The following NUDT12 variants were observed in gnomAD, a reference collection of about 807,000 sequenced individuals.
NUDT12 encodes the protein NAD-capped RNA hydrolase NUDT12.
A neutral mutation model predicts 45.7 loss-of-function variants in NUDT12; 42 were observed. The ratio of observed to expected loss-of-function variants is 0.92; its 90% CI spans 0.72 to 1.19. The LOEUF is 1.19. NUDT12 is among the 50% of genes most tolerant of loss of function. The pLI is 0.00. For missense variants in NUDT12, 590 were observed against 533.1 expected, an observed-to-expected ratio of 1.11 and a Z score of -1.05; for synonymous variants, 206 against 179.7, an observed-to-expected ratio of 1.15 and a Z score of -1.17.
chr5:103,552,100 T>A, intron 6 of NUDT12, 117 bp downstream of exon 6: 1 of 730,228 alleles, frequency 1.4e-6, no homozygotes, highest in Non-Finnish European at 2.4e-6. Flanking sequence ...AATCCATGCA[T>A]AATGAGAGGG....
intron 3 of NUDT12, among the ~76,000 whole-genome samples, chr5:103,557,280 G>GATATATATATATAT (rs10593905): frequency 5.0e-5 from 6 of 118,894 alleles, no homozygotes; most frequent in African/African-American, 1.5e-4. Context: ...ATCTTAAAAT[G>GATATATATATATAT]ATATATATAT....
At position 103,550,756 on chromosome 5, in the gene NUDT12, T is replaced by A; in HGVS notation, c.*105A>T. 2.8e-6 allele frequency: 2 copies of A among 716,760 alleles called. No homozygotes were observed. The highest frequency in any genetic ancestry group is 5.3e-5 in the East Asian group (2 of 37,866). The allele number at this position is 716,760 out of a possible 1,614,324, so 44.4% of individuals were successfully genotyped here. ...ATATTTCGAAAACCCAACATCGTAT[T>A]TTGTGTTGTGACACTCTCAAGAGTA... On this transcript the variant is annotated 3_prime_UTR_variant, in exon 7 of 7. Transcript: ENST00000230792.
In NUDT12 at chr5:103,555,925, G is replaced by C; in HGVS notation, c.964+6C>G. 6.5e-7 allele frequency: 1 copy of C among 1,546,368 alleles called. No homozygotes were observed. The highest frequency in any genetic ancestry group is 8.7e-7 in the Non-Finnish European group (1 of 1,146,870). On this transcript the variant is annotated splice_donor_region_variant and intron_variant, in intron 4 of 6. Coordinates refer to ENST00000230792, the MANE Select transcript of NUDT12 (RefSeq NM_031438.4). ...AGGTGGCTGAGATATAAAATAAAGG[G>C]CTTACCAACTCTTGGGTATGAGGTA...
chr5:103,560,280 A>G, intron 1 of NUDT12, 26 bp from the exon 2 acceptor site: 1 of 1,486,882 alleles, frequency 6.7e-7, no homozygotes, highest in South Asian at 1.1e-5. Flanking sequence ...ATCAGGGGAA[A>G]AAGCTTATTT....
Position 103,556,029 on chromosome 5 carries a change from T to C in NUDT12, c.866A>G (p.Asn289Ser). ...SRYKFCPTCGNATKIEEGGYK... is the reference protein window; with the variant it reads ...SRYKFCPTCGSATKIEEGGYK... ...GCCACCTTCTTCAATTTTAGTTGCATTTCCACAGGTTGGGCAAAACTTGTA... is the reference window on the plus strand; with the variant it reads ...GCCACCTTCTTCAATTTTAGTTGCACTTCCACAGGTTGGGCAAAACTTGTA... Residue 289 changes from asparagine to serine, a missense_variant, in exon 4 of 7, where the codon AAT (asparagine) becomes AGT (serine). By Grantham distance (46) the Asn-to-Ser change is conservative. Transcript: ENST00000230792. The C allele has an allele frequency of 6.2e-7, 1 of 1,612,266 alleles. No homozygotes were observed. The highest frequency in any genetic ancestry group is 1.6e-4 in the Middle Eastern group (1 of 6,062).
At position 103,549,353 on chromosome 5, in the gene NUDT12, C is replaced by G. The variant is rs934626783; in HGVS notation, c.*1508G>C. The G allele has an allele frequency of 6.6e-6, 1 of 151,816 alleles. No homozygotes were observed. Among genetic ancestry groups the G allele is most frequent in the East Asian group, 1.9e-4 (1 of 5,178 alleles). 9.4% of individuals were successfully genotyped at this position (151,816 alleles called of 1,614,324 possible). ...ATCAATTCCTAAGAAAATCACTGCT[C>G]ATTAGTAAAATAAAGTTTTATCTGA... is the stretch of plus-strand genomic sequence containing the variant. On this transcript the variant is annotated 3_prime_UTR_variant, in exon 7 of 7. Coordinates refer to ENST00000230792, the MANE Select transcript of NUDT12 (RefSeq NM_031438.4).
At position 103,560,053 on chromosome 5, in the gene NUDT12, G is replaced by A. The variant is rs1407885761; in HGVS notation, c.196C>T (p.Leu66Phe). 1.2e-6 allele frequency: 2 copies of A among 1,611,298 alleles called. No homozygotes were observed. Among genetic ancestry groups the A allele is most frequent in the Admixed American group, 3.3e-5 (2 of 60,010 alleles). ...GCCTAAAATGTTTACCCTTTCTCAA[G>A]CAGAAATTGGACTATCTCTGGGTGC... ...NGHPEIVQFL[L>F]EKGCDRSIVN... Residue 66 changes from leucine to phenylalanine, a missense_variant, in exon 2 of 7, where the codon CTT (leucine) becomes TTT (phenylalanine). Physicochemically the swap from Leu to Phe is conservative, Grantham distance 22 (BLOSUM62 0). Coordinates refer to ENST00000230792, the MANE Select transcript of NUDT12 (RefSeq NM_031438.4).
chr5:103,562,750 G>T lies in NUDT12; in HGVS notation c.-54C>A, dbSNP rs939646616. 1 of 131,646 alleles carries T rather than the reference G, an allele frequency of 7.6e-6. No homozygotes were observed. Among genetic ancestry groups the T allele is most frequent in the African/African-American group, 2.7e-5 (1 of 37,056 alleles). 8.2% of individuals were successfully genotyped at this position (131,646 alleles called of 1,614,324 possible). A position where few individuals can be genotyped will look rare whatever the true frequency, so the allele number is the denominator to read the frequency against. On this transcript the variant is annotated 5_prime_UTR_variant, in exon 1 of 7. Coordinates refer to ENST00000230792, the MANE Select transcript of NUDT12 (RefSeq NM_031438.4). The stretch of plus-strand genomic sequence containing the variant: ...CAACCAGGATGCAGTCCAAAGATTG[G>T]GATATCCCACTCGCTTTTCCTGGAG...
Position 103,552,367 on chromosome 5 carries a change from T to A in NUDT12, c.1128A>T (p.Gly376=). The part of the protein sequence containing the change: ...AVRREVEEES[G]VKVGHVQYVA... ...CATACTGAACATGGCCAACTTTGAC[T>A]CCACTTTCCTCTTCTACTTCTCTCC... The change falls in exon 6 of 7, where the codon GGA becomes GGT. Residue 376 remains glycine, a synonymous_variant. Coordinates refer to ENST00000230792, the MANE Select transcript of NUDT12 (RefSeq NM_031438.4). The A allele has an allele frequency of 1.2e-6, 2 of 1,613,960 alleles. No individual in the cohort carries two copies. Among genetic ancestry groups the A allele is most frequent in the Non-Finnish European group, 1.7e-6 (2 of 1,179,922 alleles).
At chr5:103,554,476 C>A in intron 5 of NUDT12, 1 of 187,530 alleles carries the variant, frequency 5.3e-6, no homozygotes, top group Non-Finnish European at 1.1e-5. Flanking sequence ...ACCTAGATAC[C>A]TGGGTCAAGA....
chr5:103,552,762 G>A (rs1327184598), intron 5 of NUDT12, among the ~76,000 whole-genome samples: 6 of 152,000 alleles, frequency 3.9e-5, no homozygotes, highest in African/African-American at 9.7e-5. Context: ...TATTGTCCAC[G>A]AAATAGTTAT....
In NUDT12 at chr5:103,550,937, GC is replaced by G; in HGVS notation, c.1312del (p.Ala438HisfsTer14). The G allele has an allele frequency of 6.2e-7, 1 of 1,613,750 alleles. No individual in the cohort carries two copies. The highest frequency in any genetic ancestry group is 1.7e-5 in the Admixed American group (1 of 59,932). ...LDVLTKGKQQ[A>X]FFVPPSRAIA... is the part of the protein sequence containing the mutation. ...AGCTCGGCTTGGTGGCACAAAGAAT[GC>G]CTGCTGCTTCCCTTTGGTCAGAACA... On this transcript the variant is annotated frameshift_variant, in exon 7 of 7. Coordinates refer to ENST00000230792, the MANE Select transcript of NUDT12 (RefSeq NM_031438.4). LOFTEE classifies it high-confidence loss of function.
rs1001972547 is a variant in NUDT12, at chr5:103,562,603, G to C, written c.-7+100C>G. The C allele has an allele frequency of 5.3e-5, 8 of 152,122 alleles. 1 individual carries two copies. The highest frequency in any genetic ancestry group is 1.9e-4 in the African/African-American group (8 of 41,372). The allele number at this position is 152,122 out of a possible 1,614,324, so 9.4% of individuals were successfully genotyped here. On this transcript the variant is annotated intron_variant, in intron 1 of 6. Coordinates refer to ENST00000230792, the MANE Select transcript of NUDT12 (RefSeq NM_031438.4). ...CGAGGCTCCGCCACACAACTCAGCA[G>C]GGCCACGCAGGGCAGCGCGGGAACC...
At position 103,558,896 on chromosome 5, in the gene NUDT12, A is replaced by C; in HGVS notation, c.779T>G (p.Leu260Trp). 6.4e-7 allele frequency: 1 copy of C among 1,563,868 alleles called. No individual in the cohort carries two copies. Among genetic ancestry groups the C allele is most frequent in the Non-Finnish European group, 8.6e-7 (1 of 1,160,784 alleles). ...LHPPMPALLQ[L>W]KEKEAGVVAQ... ...TTTCTTACCAGCTTCTTTTTCTTTCAATTGCAGAAGGGCTGGCATAGGAGG... is the reference window on the plus strand; with the variant it reads ...TTTCTTACCAGCTTCTTTTTCTTTCCATTGCAGAAGGGCTGGCATAGGAGG... The change falls in exon 3 of 7, where the codon TTG becomes TGG. Residue 260 changes from leucine (L) to tryptophan (W), a missense_variant. Coordinates refer to ENST00000230792, the MANE Select transcript of NUDT12 (RefSeq NM_031438.4).
rs751904581 is a variant in NUDT12 at position 103,560,105 on chromosome 5, A to G, written c.144T>C (p.Thr48=). ...CATTCCTTGCCGCATACATTAAAGC[A>G]GTCCAGCCATTTTCAGAAGTTTCAT... ...LLNETSENGW[T]ALMYAARNGH... The change falls in exon 2 of 7, where the codon ACT becomes ACC. Residue 48 remains threonine (T), a synonymous_variant. Coordinates refer to ENST00000230792, the MANE Select transcript of NUDT12 (RefSeq NM_031438.4). 1.2e-6 allele frequency: 2 copies of G among 1,613,902 alleles called. No homozygotes were observed. The highest frequency in any genetic ancestry group is 1.3e-5 in the African/African-American group (1 of 74,922).
chr5:103,559,038 C>G lies in NUDT12; in HGVS notation c.637G>C (p.Ala213Pro). The change falls in exon 3 of 7, where the codon GCT becomes CCT. Residue 213 changes from alanine to proline, a missense_variant. By Grantham distance (27) the Ala-to-Pro change is conservative. Transcript: ENST00000230792. ...LEIKDKLLNY[A>P]GEVPREEEDG... is the part of the protein sequence containing the mutation. ...TCCTCCTCTCTCGGGACTTCACCAGCATAATTAAGTAGTTTGTCTTTTATT... is the reference window on the plus strand; with the variant it reads ...TCCTCCTCTCTCGGGACTTCACCAGGATAATTAAGTAGTTTGTCTTTTATT... 1 of 1,613,764 alleles carries G rather than the reference C, an allele frequency of 6.2e-7. No homozygotes were observed. The highest frequency in any genetic ancestry group is 8.5e-7 in the Non-Finnish European group (1 of 1,179,788).
chr5:103,558,776 G>C (rs1258325528), intron 3 of NUDT12, 103 bp downstream of exon 3: 1 of 732,760 alleles, frequency 1.4e-6, no homozygotes, highest in African/African-American at 1.8e-5. Flanking sequence ...TAATTTCACT[G>C]CTTACTGGAA....
chr5:103,554,605 G>A, intron 5 of NUDT12, 135 bp downstream of exon 5: 1 of 372,910 alleles, frequency 2.7e-6, no homozygotes, highest in South Asian at 1.3e-4. Flanking sequence ...TATTAAAATT[G>A]TATCATTTTT....
rs779689309 is a variant in NUDT12, at chr5:103,560,254, C to T, written c.-6G>A. The T allele has an allele frequency of 4.4e-6, 7 of 1,604,496 alleles. No individual in the cohort carries two copies. The highest frequency in any genetic ancestry group is 1.6e-4 in the Middle Eastern group (1 of 6,064). ...CTTCTTTTTACAGAAGACATTTCTT[C>T]CTTAAAAGAAGGAAAATCAGGGGAA... On this transcript the variant is annotated splice_region_variant and 5_prime_UTR_variant, in exon 2 of 7. Transcript: ENST00000230792.
Sources: gnomAD v4.1 joint callset for allele counts (sites outside exome capture counted in the v4.1 genomes callset) on GRCh38, gnomAD v4.1.1 for gene constraint, MANE v1.5 for transcripts, NCBI Gene and HGNC (gene_info 2026-07-23, HGNC 2026-07-21) for gene names.